Variants in PVT1 observed in about 807,000 individuals in gnomAD.
PVT1 encodes the protein Pvt1 oncogene.
At chr8:128,062,968 T>C (rs555283155) in intron 4 of PVT1, among the ~76,000 whole-genome samples, 91 of 152,270 alleles carry the variant, frequency 6.0e-4, no homozygotes, top group African/African-American at 2.0e-3. Flanking sequence ...CTGGGGCAAG[T>C]CACAGATCTT....
intron 2 of PVT1, among the ~76,000 whole-genome samples, chr8:127,874,337 G>A (rs1249542055): frequency 6.6e-6 from 1 of 152,172 alleles, no homozygotes; most frequent in Non-Finnish European, 1.5e-5. Flanking sequence ...TTTGTAGGAT[G>A]AGTAGAGGTT....
At chr8:127,987,105 G>A (rs1017311212) in intron 3 of PVT1, among the ~76,000 whole-genome samples, 9 of 152,172 alleles carry the variant, frequency 5.9e-5, no homozygotes, top group Non-Finnish European at 1.2e-4. Flanking sequence ...ATTTCTTGGG[G>A]ACTCTGTGTG....
At chr8:127,950,932 G>A (rs1008148720) in intron 3 of PVT1, among the ~76,000 whole-genome samples, 3 of 152,208 alleles carry the variant, frequency 2.0e-5, no homozygotes, top group Admixed American at 6.5e-5. Flanking sequence ...GAGTCCTGCT[G>A]TGTGGCCCAG....
chr8:127,878,610 C>T (rs1221859796), intron 2 of PVT1, among the ~76,000 whole-genome samples: 1 of 152,170 alleles, frequency 6.6e-6, no homozygotes, highest in Non-Finnish European at 1.5e-5. Context: ...CTCTTTCTGT[C>T]TTAAAATTAC....
chr8:127,884,410 T>C (rs1346500275), intron 2 of PVT1, among the ~76,000 whole-genome samples: 1 of 152,264 alleles, frequency 6.6e-6, no homozygotes, highest in Non-Finnish European at 1.5e-5. Flanking sequence ...TTGGCTGTTA[T>C]GAATAGAGCT....
intron 2 of PVT1, among the ~76,000 whole-genome samples, chr8:127,872,491 T>C (rs189817161): frequency 6.6e-6 from 1 of 152,338 alleles, no homozygotes; most frequent in East Asian, 1.9e-4. Flanking sequence ...AGGTGATGGA[T>C]GCCCCATTTA....
intron 2 of PVT1, among the ~76,000 whole-genome samples, chr8:127,865,779 G>A (rs747908038): frequency 7.4e-4 from 112 of 152,208 alleles, no homozygotes; most frequent in Non-Finnish European, 1.3e-3. Context: ...GCAGCCCTAG[G>A]AAGTGAATGC....
At chr8:127,870,081 G>A (rs947854122) in intron 2 of PVT1, among the ~76,000 whole-genome samples, 5 of 152,170 alleles carry the variant, frequency 3.3e-5, no homozygotes, top group African/African-American at 1.2e-4. Context: ...TGGGGTTACA[G>A]GCACGAGCCA....
At chr8:127,956,914 TGGCCTGTC>T (rs1816576858) in intron 3 of PVT1, among the ~76,000 whole-genome samples, 1 of 152,244 alleles carries the variant, frequency 6.6e-6, no homozygotes, top group Non-Finnish European at 1.5e-5. Context: ...ATCTTAAGAA[TGGCCTGTC>T]ATAGGCCTCA....
At chr8:128,060,120 GCAGCGTGCACCTGTAGTCC>G (rs767454549) in intron 4 of PVT1, among the ~76,000 whole-genome samples, 29 of 152,122 alleles carry the variant, frequency 1.9e-4, no homozygotes, top group African/African-American at 6.8e-4. Context: ...GCTGGGTGTG[GCAGCGTGCACCTGTAGTCC>G]TAGCTGCTGG....
chr8:127,911,463 C>T (rs1003258399), intron 3 of PVT1, among the ~76,000 whole-genome samples: 1 of 152,238 alleles, frequency 6.6e-6, no homozygotes, highest in Non-Finnish European at 1.5e-5. Context: ...CAGGGCCAGG[C>T]CCCAGCCGGT....
At chr8:127,956,875 G>A (rs1816576279) in intron 3 of PVT1, among the ~76,000 whole-genome samples, 1 of 152,190 alleles carries the variant, frequency 6.6e-6, no homozygotes, top group African/African-American at 2.4e-5. Context: ...TTTAGCAGAA[G>A]CTTGTTCTTA....
intron 2 of PVT1, among the ~76,000 whole-genome samples, chr8:127,870,347 C>G (rs978869105): frequency 6.6e-6 from 1 of 152,180 alleles, no homozygotes; most frequent in Non-Finnish European, 1.5e-5. Flanking sequence ...AAGGAAGGAT[C>G]TTTCATGGAG....
At chr8:127,917,987 C>T (rs1184954456) in intron 3 of PVT1, among the ~76,000 whole-genome samples, 2 of 152,278 alleles carry the variant, frequency 1.3e-5, no homozygotes, top group African/African-American at 2.4e-5. Context: ...GCAGCCTCTG[C>T]TTGCCCCGTA....
intron 3 of PVT1, among the ~76,000 whole-genome samples, chr8:127,893,458 G>A (rs1286492026): frequency 6.6e-6 from 1 of 152,132 alleles, no homozygotes; most frequent in African/African-American, 2.4e-5. Flanking sequence ...TGTTGGCCAG[G>A]CTGGTCTTGA....
At chr8:128,094,254 A>G (rs1391758625) in intron 5 of PVT1, among the ~76,000 whole-genome samples, 3 of 152,234 alleles carry the variant, frequency 2.0e-5, no homozygotes, top group Non-Finnish European at 2.9e-5. Flanking sequence ...TGATTTTTAC[A>G]TAGAAAATGT....
intron 2 of PVT1, among the ~76,000 whole-genome samples, chr8:127,807,243 T>A (rs924967419): frequency 6.6e-6 from 1 of 152,236 alleles, no homozygotes; most frequent in Admixed American, 6.5e-5. Flanking sequence ...TCAAACTCAC[T>A]GTCATCATCT....
intron 3 of PVT1, among the ~76,000 whole-genome samples, chr8:127,908,207 C>G (rs1423105664): frequency 1.3e-5 from 2 of 152,038 alleles, no homozygotes; most frequent in Non-Finnish European, 2.9e-5. Flanking sequence ...CGTACACAGT[C>G]CTTTCTGGGC....
chr8:127,970,975 C>T (rs952477947), intron 3 of PVT1, among the ~76,000 whole-genome samples: 1 of 152,156 alleles, frequency 6.6e-6, no homozygotes, highest in Non-Finnish European at 1.5e-5. Flanking sequence ...ATTGTATTGG[C>T]ACATAGCCAT....
Sources: allele counts gnomAD v4.1 joint callset (sites outside exome capture counted in the v4.1 genomes callset), GRCh38; gene constraint gnomAD v4.1.1; transcripts MANE v1.5; gene names NCBI Gene and HGNC (gene_info 2026-07-23, HGNC 2026-07-21).